The following HMX3 variants were observed in gnomAD, a reference collection of about 807,000 sequenced individuals.
HMX3 encodes homeobox protein HMX3.
HMX3 carries 8 observed loss-of-function variants against 22.8 expected under a neutral mutation model. The observed-to-expected ratio is 0.35, with a 90% CI of 0.21 to 0.63. The LOEUF (loss-of-function observed/expected upper bound fraction) is 0.63, where lower values mean the gene tolerates loss of function less well. HMX3 is among the 30% of genes least tolerant of loss of function. The pLI is 0.72. For missense variants in HMX3, 527 were observed against 520.6 expected, an observed-to-expected ratio of 1.01 and a Z score of -0.12; for synonymous variants, 331 against 250.9, an observed-to-expected ratio of 1.32 and a Z score of -3.02.
At position 123,137,471 on chromosome 10, in the gene HMX3, A is replaced by G; in HGVS notation, c.814A>G (p.Lys272Glu). The G allele has an allele frequency of 6.2e-7, 1 of 1,613,088 alleles. No homozygotes were observed. The highest frequency in any genetic ancestry group is 8.5e-7 in the Non-Finnish European group (1 of 1,179,866). ...CCTGCACCTCACCGAGACGCAGGTCAAGATCTGGTTCCAGAACCGCCGCAA... is the reference window on the plus strand; with the variant it reads ...CCTGCACCTCACCGAGACGCAGGTCGAGATCTGGTTCCAGAACCGCCGCAA... ...ASLHLTETQVKIWFQNRRNKW... is the reference protein window; with the variant it reads ...ASLHLTETQVEIWFQNRRNKW... The change falls in exon 2 of 2, where the codon AAG becomes GAG. Residue 272 changes from lysine to glutamate, a missense_variant. By Grantham distance (56) the Lys-to-Glu change is moderately conservative. This residue lies in a region of HMX3 where 41 missense variants were observed against 80.6 expected (regional missense o/e 0.51). Coordinates refer to ENST00000357878, the MANE Select transcript of HMX3 (RefSeq NM_001105574.2). This position sits in a 1 kb window ranked among gnomAD's most constrained non-coding sequence, Gnocchi z 5.8.
Position 123,137,301 on chromosome 10 carries a change from G to A in HMX3, c.644G>A (p.Gly215Asp), listed in dbSNP as rs45492702. ...ATPGAEDWKKGAESPEKKPAC... is the reference protein window; with the variant it reads ...ATPGAEDWKKDAESPEKKPAC... ...CCGGGCGCAGAAGACTGGAAGAAGGGCGCTGAAAGTCCAGAGAAGAAGCCG... is the reference window on the plus strand; with the variant it reads ...CCGGGCGCAGAAGACTGGAAGAAGGACGCTGAAAGTCCAGAGAAGAAGCCG... The change falls in exon 2 of 2, where the codon GGC (glycine) becomes GAC (aspartate). Residue 215 changes from glycine (G) to aspartate (D), a missense_variant. By Grantham distance (94) the Gly-to-Asp change is moderately conservative. This residue lies in a region of HMX3 where 386 missense variants were observed against 337.8 expected (regional missense o/e 1.14). Coordinates refer to ENST00000357878, the MANE Select transcript of HMX3 (RefSeq NM_001105574.2). The surrounding 1 kb of genome is among the most constrained non-coding windows in gnomAD (Gnocchi z 5.8). 3.1e-3 allele frequency: 4,997 copies of A among 1,604,746 alleles called. 18 individuals are homozygous for A. Among genetic ancestry groups the A allele is most frequent in the Non-Finnish European group, 3.9e-3 (4,551 of 1,175,950 alleles).
rs1339213800 is a variant in HMX3 at position 123,138,735 on chromosome 10, C to G, written c.*1004C>G. Among the ~76,000 whole-genome samples the G allele has an allele frequency of 6.6e-6, 1 of 152,226 alleles. No homozygotes were observed. Among genetic ancestry groups the G allele is most frequent in the Non-Finnish European group, 1.5e-5 (1 of 68,038 alleles). ...GAAAAGACAGCCAAAAATCAGAACT[C>G]TGACTATTTGAAACAGCTCCATATC... On this transcript the variant is annotated 3_prime_UTR_variant, in exon 2 of 2. Coordinates refer to ENST00000357878, the MANE Select transcript of HMX3 (RefSeq NM_001105574.2).
Position 123,137,290 on chromosome 10 carries a change from C to T in HMX3, c.633C>T (p.Asp211=), listed in dbSNP as rs1298075534. The T allele has an allele frequency of 6.2e-7, 1 of 1,601,530 alleles. No homozygotes were observed. The highest frequency in any genetic ancestry group is 8.5e-7 in the Non-Finnish European group (1 of 1,174,350). The part of the protein sequence containing the change: ...GAAAATPGAE[D]WKKGAESPEK... Reference sequence around the variant, plus strand: ...CGGCGGCCACTCCGGGCGCAGAAGACTGGAAGAAGGGCGCTGAAAGTCCAG... The same window carrying T: ...CGGCGGCCACTCCGGGCGCAGAAGATTGGAAGAAGGGCGCTGAAAGTCCAG... Residue 211 remains aspartate, a synonymous_variant, in exon 2 of 2, where the codon GAC becomes GAT. Transcript: ENST00000357878. This position sits in a 1 kb window ranked among gnomAD's most constrained non-coding sequence, Gnocchi z 5.8.
At position 123,136,442 on chromosome 10, in the gene HMX3, G is replaced by A. The variant is rs1162946711; in HGVS notation, c.392G>A (p.Arg131Gln). 6.9e-7 allele frequency: 1 copy of A among 1,443,518 alleles called. No individual in the cohort carries two copies. The highest frequency in any genetic ancestry group is 1.5e-5 in the African/African-American group (1 of 68,184). 89.4% of individuals were successfully genotyped at this position (1,443,518 alleles called of 1,614,324 possible). The change falls in exon 1 of 2, where the codon CGA (arginine) becomes CAA (glutamine). Residue 131 changes from arginine (R) to glutamine (Q), a missense_variant. Physicochemically the swap from Arg to Gln is conservative, Grantham distance 43 (BLOSUM62 1). This residue lies in a region of HMX3 where 386 missense variants were observed against 337.8 expected (regional missense o/e 1.14). Transcript: ENST00000357878. This position sits in a 1 kb window ranked among gnomAD's most constrained non-coding sequence, Gnocchi z 4.8. ...ACCCCCGCCGGCGGCCACCTCCCGC[G>A]ACCTGAAGGTACCGACCTCTCTTTG... ...TLTPAGGHLPRPEASEKALLR... is the reference protein window; with the variant it reads ...TLTPAGGHLPQPEASEKALLR...
Position 123,138,994 on chromosome 10 carries a change from C to T in HMX3, c.*1263C>T, listed in dbSNP as rs1035414617. ...TCTCCTGAGAAAGCTGTTTCCTCCT[C>T]CACCGTGGGAAACAGACCTTTTCAC... On this transcript the variant is annotated 3_prime_UTR_variant, in exon 2 of 2. Coordinates refer to ENST00000357878, the MANE Select transcript of HMX3 (RefSeq NM_001105574.2). Among the ~76,000 whole-genome samples the T allele has an allele frequency of 2.0e-5, 3 of 152,116 alleles. No individual in the cohort carries two copies. The highest frequency in any genetic ancestry group is 4.8e-5 in the African/African-American group (2 of 41,390).
chr10:123,136,957 TG>T lies in HMX3; in HGVS notation c.401-99del. 1.4e-6 allele frequency: 2 copies of T among 1,385,230 alleles called. No homozygotes were observed. Among genetic ancestry groups the T allele is most frequent in the Non-Finnish European group, 1.9e-6 (2 of 1,042,978 alleles). The allele number at this position is 1,385,230 out of a possible 1,614,324, so 85.8% of individuals were successfully genotyped here. A position where few individuals can be genotyped will look rare whatever the true frequency, so the allele number is the denominator to read the frequency against. ...TGGTGAGGCCTCATGGCCTGGGACC[TG>T]GAGGCCGGCGCGGGTTGAGCCTGCC... is the stretch of plus-strand genomic sequence containing the variant. On this transcript the variant is annotated intron_variant, in intron 1 of 1. Coordinates refer to ENST00000357878, the MANE Select transcript of HMX3 (RefSeq NM_001105574.2). The surrounding 1 kb of genome is among the most constrained non-coding windows in gnomAD (Gnocchi z 4.8).
rs530837632 is a variant in HMX3 at position 123,139,285 on chromosome 10, G to C, written c.*1554G>C. Reference sequence around the variant, plus strand: ...TCGGTACACCTGTTGTTCTGTGATAGTTTGTTTCCCCTCATCTCCCTCACC... The same window carrying C: ...TCGGTACACCTGTTGTTCTGTGATACTTTGTTTCCCCTCATCTCCCTCACC... On this transcript the variant is annotated 3_prime_UTR_variant, in exon 2 of 2. Transcript: ENST00000357878. 1.3e-5 allele frequency among the ~76,000 whole-genome samples: 2 copies of C among 151,738 alleles called. No homozygotes were observed. Among genetic ancestry groups the C allele is most frequent in the South Asian group, 4.2e-4 (2 of 4,798 alleles).
At position 123,136,255 on chromosome 10, in the gene HMX3, G is replaced by A; in HGVS notation, c.205G>A (p.Ala69Thr). ...GGCTGCCGCCGCCGCCGCCGCTGCC[G>A]CTGCCGCGGCGGCCAAGGGGGCCCT... ...ASAAAAAAAA[A>T]AAAAKGALEG... Residue 69 changes from alanine (A) to threonine (T), a missense_variant, in exon 1 of 2, where the codon GCT (alanine) becomes ACT (threonine). Ala to Thr is a moderately conservative substitution (Grantham distance 58). Coordinates refer to ENST00000357878, the MANE Select transcript of HMX3 (RefSeq NM_001105574.2). The surrounding 1 kb of genome is among the most constrained non-coding windows in gnomAD (Gnocchi z 4.8). 3 of 1,358,638 alleles carry A rather than the reference G, an allele frequency of 2.2e-6. No homozygotes were observed. The highest frequency in any genetic ancestry group is 2.1e-5 in the South Asian group (1 of 48,524). The allele number at this position is 1,358,638 out of a possible 1,614,324, so 84.2% of individuals were successfully genotyped here.
In HMX3 at chr10:123,136,160, T is replaced by C; in HGVS notation, c.110T>C (p.Leu37Pro). Residue 37 changes from leucine to proline, a missense_variant, in exon 1 of 2, where the codon CTC becomes CCC. Leu to Pro is a moderately conservative substitution (Grantham distance 98). Around this residue, in one of 3 missense-constraint regions of HMX3, gnomAD observed 386 missense variants for 337.8 expected, o/e 1.14. Transcript: ENST00000357878. This position sits in a 1 kb window ranked among gnomAD's most constrained non-coding sequence, Gnocchi z 4.8. ...TCCCCGTTCTCCATCAAGAACCTGC[T>C]CAACGGAGACCACCACCGGCCGCCC... ...KESPFSIKNL[L>P]NGDHHRPPPK... 1.5e-6 allele frequency: 2 copies of C among 1,302,950 alleles called. No homozygotes were observed. The highest frequency in any genetic ancestry group is 2.0e-6 in the Non-Finnish European group (2 of 1,013,896). 80.7% of individuals were successfully genotyped at this position (1,302,950 alleles called of 1,614,324 possible). A position where few individuals can be genotyped will look rare whatever the true frequency, so the allele number is the denominator to read the frequency against.
rs1031958458 is a variant in HMX3, at chr10:123,136,040, G to A, written c.-11G>A. 2.2e-6 allele frequency: 3 copies of A among 1,357,116 alleles called. No individual in the cohort carries two copies. Among genetic ancestry groups the A allele is most frequent in the African/African-American group, 1.5e-5 (1 of 65,218 alleles). 84.1% of individuals were successfully genotyped at this position (1,357,116 alleles called of 1,614,324 possible). A position where few individuals can be genotyped will look rare whatever the true frequency, so the allele number is the denominator to read the frequency against. Reference sequence around the variant, plus strand: ...CTCCCTCCCTCCCGGGGACCCGGAGGAGAGGGGACCATGCCGGAACCCGGG... The same window carrying A: ...CTCCCTCCCTCCCGGGGACCCGGAGAAGAGGGGACCATGCCGGAACCCGGG... On this transcript the variant is annotated 5_prime_UTR_variant, in exon 1 of 2. Coordinates refer to ENST00000357878, the MANE Select transcript of HMX3 (RefSeq NM_001105574.2). The surrounding 1 kb of genome is among the most constrained non-coding windows in gnomAD (Gnocchi z 4.8).
At position 123,137,007 on chromosome 10, in the gene HMX3, C is replaced by A; in HGVS notation, c.401-51C>A. ...CCGTCCCCAGGCGCCGGGCCTCGCT[C>A]AAGGCTGTGTCGGTGTGCATGTGTG... On this transcript the variant is annotated intron_variant, in intron 1 of 1. Transcript: ENST00000357878. The surrounding 1 kb of genome is among the most constrained non-coding windows in gnomAD (Gnocchi z 5.8). The A allele has an allele frequency of 6.6e-7, 1 of 1,518,778 alleles. No homozygotes were observed. The allele number at this position is 1,518,778 out of a possible 1,614,324, so 94.1% of individuals were successfully genotyped here.
chr10:123,136,927 G>A lies in HMX3; in HGVS notation c.401-131G>A. ...CCCAGCCGAGAAGGAGGCAGCCCGC[G>A]GGAATGGTGAGGCCTCATGGCCTGG... On this transcript the variant is annotated intron_variant, in intron 1 of 1. Transcript: ENST00000357878. The surrounding 1 kb of genome is among the most constrained non-coding windows in gnomAD (Gnocchi z 4.8). 3 of 1,080,218 alleles carry A rather than the reference G, an allele frequency of 2.8e-6. No individual in the cohort carries two copies. Among genetic ancestry groups the A allele is most frequent in the Non-Finnish European group, 3.8e-6 (3 of 779,532 alleles). 66.9% of individuals were successfully genotyped at this position (1,080,218 alleles called of 1,614,324 possible). A position where few individuals can be genotyped will look rare whatever the true frequency, so the allele number is the denominator to read the frequency against.
rs377512600 is a variant in HMX3 at position 123,136,107 on chromosome 10, G to A, written c.57G>A (p.Pro19=). ...AGTASAQPQP[P]PPPPPAPKES... is the part of the protein sequence containing the mutation. ...CCGCCAGCGCACAGCCCCAACCGCCGCCGCCCCCCCCACCCGCTCCCAAGG... is the reference window on the plus strand; with the variant it reads ...CCGCCAGCGCACAGCCCCAACCGCCACCGCCCCCCCCACCCGCTCCCAAGG... The change falls in exon 1 of 2, where the codon CCG becomes CCA. Residue 19 remains proline, a synonymous_variant. Coordinates refer to ENST00000357878, the MANE Select transcript of HMX3 (RefSeq NM_001105574.2). This position sits in a 1 kb window ranked among gnomAD's most constrained non-coding sequence, Gnocchi z 4.8. 2.0e-3 allele frequency: 2,608 copies of A among 1,316,648 alleles called. 24 individuals are homozygous for A. The highest frequency in any genetic ancestry group is 0.017 in the African/African-American group (1,031 of 61,576). The allele number at this position is 1,316,648 out of a possible 1,614,324, so 81.6% of individuals were successfully genotyped here. A position where few individuals can be genotyped will look rare whatever the true frequency, so the allele number is the denominator to read the frequency against.
chr10:123,135,993 G>C lies in HMX3; in HGVS notation c.-58G>C, dbSNP rs1022103556. Reference sequence around the variant, plus strand: ...CTGATTTCCGGCCTCTCGCCTGCTCGCCCCGCCGCCCGCCTGTCCCGCTCC... The same window carrying C: ...CTGATTTCCGGCCTCTCGCCTGCTCCCCCCGCCGCCCGCCTGTCCCGCTCC... On this transcript the variant is annotated 5_prime_UTR_variant, in exon 1 of 2. Transcript: ENST00000357878. 1 of 1,297,706 alleles carries C rather than the reference G, an allele frequency of 7.7e-7. No individual in the cohort carries two copies. The allele number at this position is 1,297,706 out of a possible 1,614,324, so 80.4% of individuals were successfully genotyped here. A position where few individuals can be genotyped will look rare whatever the true frequency, so the allele number is the denominator to read the frequency against.
chr10:123,136,989 C>T lies in HMX3; in HGVS notation c.401-69C>T. ...CGGCGCGGGTTGAGCCTGCCGTCCCCAGGCGCCGGGCCTCGCTCAAGGCTG... is the reference window on the plus strand; with the variant it reads ...CGGCGCGGGTTGAGCCTGCCGTCCCTAGGCGCCGGGCCTCGCTCAAGGCTG... On this transcript the variant is annotated intron_variant, in intron 1 of 1. Coordinates refer to ENST00000357878, the MANE Select transcript of HMX3 (RefSeq NM_001105574.2). This position sits in a 1 kb window ranked among gnomAD's most constrained non-coding sequence, Gnocchi z 4.8. 5 of 1,473,266 alleles carry T rather than the reference C, an allele frequency of 3.4e-6. No homozygotes were observed. The highest frequency in any genetic ancestry group is 4.5e-6 in the Non-Finnish European group (5 of 1,111,894). The allele number at this position is 1,473,266 out of a possible 1,614,324, so 91.3% of individuals were successfully genotyped here.
Position 123,137,795 on chromosome 10 carries a change from C to T in HMX3, c.*64C>T. 1.6e-6 allele frequency: 2 copies of T among 1,265,500 alleles called. No homozygotes were observed. The highest frequency in any genetic ancestry group is 2.1e-6 in the Non-Finnish European group (2 of 964,798). 78.4% of individuals were successfully genotyped at this position (1,265,500 alleles called of 1,614,324 possible). Reference sequence around the variant, plus strand: ...TGTCCGGACCCCGGAGGAGACTGGGCCGGGCCGAGGGCGCCGAGAAGTCCA... The same window carrying T: ...TGTCCGGACCCCGGAGGAGACTGGGTCGGGCCGAGGGCGCCGAGAAGTCCA... On this transcript the variant is annotated 3_prime_UTR_variant, in exon 2 of 2. Coordinates refer to ENST00000357878, the MANE Select transcript of HMX3 (RefSeq NM_001105574.2). This position sits in a 1 kb window ranked among gnomAD's most constrained non-coding sequence, Gnocchi z 5.8.
Position 123,137,288 on chromosome 10 carries a change from G to T in HMX3, c.631G>T (p.Asp211Tyr). The change falls in exon 2 of 2, where the codon GAC becomes TAC. Residue 211 changes from aspartate to tyrosine, a missense_variant. By Grantham distance (160) the Asp-to-Tyr change is radical (BLOSUM62 -3). Transcript: ENST00000357878. The surrounding 1 kb of genome is among the most constrained non-coding windows in gnomAD (Gnocchi z 5.8). ...GGCGGCGGCCACTCCGGGCGCAGAA[G>T]ACTGGAAGAAGGGCGCTGAAAGTCC... ...GAAAATPGAE[D>Y]WKKGAESPEK... The T allele has an allele frequency of 6.2e-7, 1 of 1,600,830 alleles. No individual in the cohort carries two copies. Among genetic ancestry groups the T allele is most frequent in the Non-Finnish European group, 8.5e-7 (1 of 1,173,964 alleles).
At position 123,136,667 on chromosome 10, in the gene HMX3, G is replaced by C. The variant is rs115520422; in HGVS notation, c.400+217G>C. On this transcript the variant is annotated intron_variant, in intron 1 of 1. Transcript: ENST00000357878. This position sits in a 1 kb window ranked among gnomAD's most constrained non-coding sequence, Gnocchi z 4.8. Reference sequence around the variant, plus strand: ...GAAGTGGAATTGGAGCCCCGGGCACGGTGCTTCCCGGGAAAAGTGGCCTCG... The same window carrying C: ...GAAGTGGAATTGGAGCCCCGGGCACCGTGCTTCCCGGGAAAAGTGGCCTCG... Among the ~76,000 whole-genome samples the C allele has an allele frequency of 0.018, 2,749 of 152,282 alleles. 80 individuals are homozygous for C. The highest frequency in any genetic ancestry group is 0.063 in the African/African-American group (2,598 of 41,542).
In HMX3 at chr10:123,137,871, C is replaced by T; in HGVS notation, c.*140C>T. On this transcript the variant is annotated 3_prime_UTR_variant, in exon 2 of 2. Transcript: ENST00000357878. The surrounding 1 kb of genome is among the most constrained non-coding windows in gnomAD (Gnocchi z 5.8). ...GCGCGCAGCCTCTGCTTCCCCTCCCCCAGTCGGTAGCATTTTGTAAGTATT... is the reference window on the plus strand; with the variant it reads ...GCGCGCAGCCTCTGCTTCCCCTCCCTCAGTCGGTAGCATTTTGTAAGTATT... 3.6e-6 allele frequency: 2 copies of T among 557,114 alleles called. No homozygotes were observed. Among genetic ancestry groups the T allele is most frequent in the South Asian group, 6.1e-5 (2 of 32,544 alleles). The allele number at this position is 557,114 out of a possible 1,614,324, so 34.5% of individuals were successfully genotyped here.
Sources: allele counts gnomAD v4.1 joint callset (sites outside exome capture counted in the v4.1 genomes callset), GRCh38; gene constraint gnomAD v4.1.1; regional missense constraint gnomAD v4.1.1; non-coding constraint Gnocchi (gnomAD v3.1); transcripts MANE v1.5; gene names NCBI Gene and HGNC (gene_info 2026-07-23, HGNC 2026-07-21).